UACA: variants seen among roughly 807,000 people sequenced by gnomAD.
UACA encodes uveal autoantigen with coiled-coil domains and ankyrin repeats.
Under a neutral mutation model 160.5 loss-of-function variants are expected in UACA, and 112 were observed. The ratio of observed to expected loss-of-function variants is 0.70; its 90% CI spans 0.60 to 0.82. The LOEUF is 0.82. UACA is among the 40% of genes least tolerant of loss of function. The probability of loss-of-function intolerance (pLI) is 0.00; values close to 1 mark genes in which losing one functional copy is unlikely to be tolerated. For missense variants in UACA, 1,574 were observed against 1,614.6 expected (o/e 0.97, Z 0.43); for synonymous variants, 557 against 568.4 (o/e 0.98, Z 0.29).
chr15:70,701,009 TGTTA>T (rs1166230778), intron 1 of UACA, among the ~76,000 whole-genome samples: 2 of 152,112 alleles, frequency 1.3e-5, no homozygotes, highest in Middle Eastern at 3.2e-3. Context: ...CTAACTTTCT[TGTTA>T]AACAAGTAAT....
chr15:70,672,054 A>G, intron 13 of UACA, 53 bp from the exon 14 acceptor site: 1 of 1,517,968 alleles, frequency 6.6e-7, no homozygotes. Flanking sequence ...CATTTTGTTA[A>G]ATTCTGTATC....
intron 1 of UACA, among the ~76,000 whole-genome samples, chr15:70,726,119 G>A (rs1436197239): frequency 2.0e-5 from 3 of 152,050 alleles, no homozygotes; most frequent in South Asian, 2.1e-4. Context: ...CCTACAGGAA[G>A]TGACTGGATG....
At chr15:70,721,452 C>T (rs1383002081) in intron 1 of UACA, among the ~76,000 whole-genome samples, 3 of 152,050 alleles carry the variant, frequency 2.0e-5, no homozygotes, top group East Asian at 1.9e-4. Flanking sequence ...GGTGAAACCC[C>T]GTCTCTACTG....
Position 70,684,353 on chromosome 15 carries a change from A to G in UACA, c.696T>C (p.Leu232=). The change falls in exon 8 of 19, where the codon CTT becomes CTC. Residue 232 remains leucine (L), a synonymous_variant. Transcript: ENST00000322954. ...NGADISLLDA[L]GHDSSYYARI... The stretch of plus-strand genomic sequence containing the variant: ...TTGCATAGTAAGAACTATCATGGCC[A>G]AGCGCATCCAGCAAGCTTATATCAG... The G allele has an allele frequency of 6.2e-7, 1 of 1,613,876 alleles. No individual in the cohort carries two copies. The highest frequency in any genetic ancestry group is 8.5e-7 in the Non-Finnish European group (1 of 1,179,828).
At chr15:70,744,429 C>T (rs974346769) in intron 1 of UACA, among the ~76,000 whole-genome samples, 2 of 151,984 alleles carry the variant, frequency 1.3e-5, no homozygotes, top group African/African-American at 4.8e-5. Flanking sequence ...CTCACATATA[C>T]CCGATGCCTC....
At chr15:70,711,339 C>T (rs1000196333) in intron 1 of UACA, among the ~76,000 whole-genome samples, 2 of 151,858 alleles carry the variant, frequency 1.3e-5, no homozygotes, top group African/African-American at 4.8e-5. Flanking sequence ...TACCAAAGAA[C>T]TGCCAGAAGC....
At chr15:70,662,211 C>T (rs1463857522) in intron 17 of UACA, among the ~76,000 whole-genome samples, 2 of 152,096 alleles carry the variant, frequency 1.3e-5, no homozygotes, top group East Asian at 1.9e-4. Context: ...TTCTTATACA[C>T]CAATAACAGA....
intron 1 of UACA, among the ~76,000 whole-genome samples, chr15:70,735,147 T>TAAAAAAAAA (rs1555415817): frequency 3.2e-4 from 1 of 3,106 alleles, no homozygotes; most frequent in African/African-American, 1.1e-3. Context: ...TAGAGTATAA[T>TAAAAAAAAA]AAAAAAAAAA....
intron 13 of UACA, among the ~76,000 whole-genome samples, chr15:70,674,440 A>G (rs1897242323): frequency 6.6e-6 from 1 of 152,234 alleles, no homozygotes; most frequent in South Asian, 2.1e-4. Context: ...AGTTAAGATT[A>G]TAGGTGTCTT....
At chr15:70,766,442 C>G (rs2031010553), upstream of UACA, among the ~76,000 whole-genome samples, 1 of 142,460 alleles carries the variant, frequency 7.0e-6, no homozygotes, top group Non-Finnish European at 1.5e-5. Flanking sequence ...TTTTGTTTTA[C>G]TTCTTTTTTT....
chr15:70,773,239 C>T, the UACA span, among the ~76,000 whole-genome samples: 5,867 of 152,126 alleles, frequency 0.039, 378 homozygotes, highest in African/African-American at 0.13. Context: ...GACAGAGGAG[C>T]GACCACTGGG....
intron 13 of UACA, 54 bp downstream of exon 13, chr15:70,676,439 G>T: frequency 8.3e-7 from 1 of 1,204,260 alleles, no homozygotes; most frequent in Non-Finnish European, 1.2e-6. Context: ...CTGATGCCAA[G>T]AGCCTTACCA....
At position 70,668,249 on chromosome 15, in the gene UACA, T is replaced by C; in HGVS notation, c.2435A>G (p.Glu812Gly). ...AATATTGGATTTCAGAGCTATTATC[T>C]CTTTTTCATGTTTCTCAGGAGGTAC... ...VFVPPEKHEK[E>G]IIALKSNIVE... The change falls in exon 16 of 19, where the codon GAG becomes GGG. Residue 812 changes from glutamate to glycine, a missense_variant. Glu to Gly is a moderately conservative substitution (Grantham distance 98, BLOSUM62 -2). Coordinates refer to ENST00000322954, the MANE Select transcript of UACA (RefSeq NM_018003.4). 6.2e-7 allele frequency: 1 copy of C among 1,613,482 alleles called. No individual in the cohort carries two copies. Among genetic ancestry groups the C allele is most frequent in the Non-Finnish European group, 8.5e-7 (1 of 1,179,908 alleles).
intron 1 of UACA, among the ~76,000 whole-genome samples, chr15:70,716,423 T>A (rs1898823420): frequency 6.6e-6 from 1 of 152,170 alleles, no homozygotes; most frequent in African/African-American, 2.4e-5. Context: ...CCCAAATTGC[T>A]GACCTACGAA....
chr15:70,722,403 G>A (rs941797673), intron 1 of UACA, among the ~76,000 whole-genome samples: 16 of 151,408 alleles, frequency 1.1e-4, no homozygotes, highest in African/African-American at 3.6e-4. Flanking sequence ...TCATGGCCTC[G>A]ATCACCTAGG....
At chr15:70,673,733 A>T (rs1595877870) in intron 13 of UACA, among the ~76,000 whole-genome samples, 1 of 152,238 alleles carries the variant, frequency 6.6e-6, no homozygotes, top group African/African-American at 2.4e-5. Context: ...AAATAGCTAC[A>T]TGTTAAGTTA....
intron 1 of UACA, among the ~76,000 whole-genome samples, chr15:70,729,672 G>T (rs578057372): frequency 7.0e-6 from 1 of 142,132 alleles, no homozygotes; most frequent in Non-Finnish European, 1.5e-5. Context: ...AGCCAAGATG[G>T]CCGAATAGGA....
At chr15:70,772,166 T>C in the UACA span, among the ~76,000 whole-genome samples, 1 of 152,162 alleles carries the variant, frequency 6.6e-6, no homozygotes, top group Non-Finnish European at 1.5e-5. Context: ...GTAGACTGGA[T>C]GCAGGGAGTA....
chr15:70,715,319 T>G (rs1595906407), intron 1 of UACA, among the ~76,000 whole-genome samples: 1 of 152,296 alleles, frequency 6.6e-6, no homozygotes, highest in South Asian at 2.1e-4. Flanking sequence ...AAAGCTATGT[T>G]TATTCTCAAC....
Sources: allele counts gnomAD v4.1 joint callset (sites outside exome capture counted in the v4.1 genomes callset), GRCh38; gene constraint gnomAD v4.1.1; transcripts MANE v1.5; gene names NCBI Gene and HGNC (gene_info 2026-07-23, HGNC 2026-07-21).